The following TXNDC15 variants were observed in gnomAD, a reference collection of about 807,000 sequenced individuals.
TXNDC15 encodes the protein thioredoxin domain containing 15, also known as thioredoxin domain-containing protein 15.
TXNDC15 carries 24 observed loss-of-function variants against 35.0 expected under a neutral mutation model. The ratio of observed to expected loss-of-function variants is 0.68; its 90% CI spans 0.50 to 0.96. The LOEUF is 0.96. TXNDC15 is among the 40% of genes least tolerant of loss of function. The probability of loss-of-function intolerance (pLI) is 0.00; values close to 1 mark genes in which losing one functional copy is unlikely to be tolerated. For missense variants in TXNDC15, 385 were observed against 453.3 expected, an observed-to-expected ratio of 0.85 and a Z score of 1.37; for synonymous variants, 169 against 174.0, an observed-to-expected ratio of 0.97 and a Z score of 0.23.
Position 134,887,774 on chromosome 5 carries a change from G to A in TXNDC15, c.183G>A (p.Glu61=). The A allele has an allele frequency of 6.2e-7, 1 of 1,614,104 alleles. No homozygotes were observed. Among genetic ancestry groups the A allele is most frequent in the Non-Finnish European group, 8.5e-7 (1 of 1,179,934 alleles). Reference sequence around the variant, plus strand: ...AGGTGGGGGCTGTGTACCTGGGTGAGGAGGAGCTCCTGCATGACCCGATGG... The same window carrying A: ...AGGTGGGGGCTGTGTACCTGGGTGAAGAGGAGCTCCTGCATGACCCGATGG... ...PLQVGAVYLG[E]EELLHDPMGQ... Residue 61 remains glutamate, a synonymous_variant, in exon 2 of 5, where the codon GAG becomes GAA. Coordinates refer to ENST00000358387, the MANE Select transcript of TXNDC15 (RefSeq NM_024715.4).
chr5:134,882,980 T>C (rs1179583010), intron 1 of TXNDC15, among the ~76,000 whole-genome samples: 1 of 152,254 alleles, frequency 6.6e-6, no homozygotes, highest in Non-Finnish European at 1.5e-5. Flanking sequence ...GTAGTTATTA[T>C]AATTTACGTC....
At position 134,899,790 on chromosome 5, in the gene TXNDC15, C is replaced by A; in HGVS notation, c.*105C>A. 1 of 919,092 alleles carries A rather than the reference C, an allele frequency of 1.1e-6. No homozygotes were observed. Among genetic ancestry groups the A allele is most frequent in the South Asian group, 2.1e-5 (1 of 46,912 alleles). 56.9% of individuals were successfully genotyped at this position (919,092 alleles called of 1,614,324 possible). ...CCAGTGACGTGTTGACTTGAAACTT[C>A]AGGCAGATTAAAAGAATCATTTGTT... On this transcript the variant is annotated 3_prime_UTR_variant, in exon 5 of 5. Coordinates refer to ENST00000358387, the MANE Select transcript of TXNDC15 (RefSeq NM_024715.4).
Position 134,896,510 on chromosome 5 carries a change from TAAGTG to T in TXNDC15, c.886+90_886+94del, listed in dbSNP as rs1259425732. The T allele has an allele frequency of 3.9e-6, 6 of 1,532,886 alleles. No homozygotes were observed. The East Asian group carries it at 1.4e-4, about 35-fold the overall frequency. 95.0% of individuals were successfully genotyped at this position (1,532,886 alleles called of 1,614,324 possible). A position where few individuals can be genotyped will look rare whatever the true frequency, so the allele number is the denominator to read the frequency against. ...GTGGGTTCTGATCTGCTATAATCCT[TAAGTG>T]AAGGATTCAAGACTGACTTTGAGTT... is the stretch of plus-strand genomic sequence containing the variant. On this transcript the variant is annotated intron_variant, in intron 4 of 4. Coordinates refer to ENST00000358387, the MANE Select transcript of TXNDC15 (RefSeq NM_024715.4).
At chr5:134,886,562 A>C (rs1750278425) in intron 1 of TXNDC15, among the ~76,000 whole-genome samples, 2 of 152,258 alleles carry the variant, frequency 1.3e-5, no homozygotes, top group Admixed American at 1.3e-4. Context: ...CCCACCTTCT[A>C]GCTCCAAAGT....
At chr5:134,898,077 C>G (rs1392815485) in intron 4 of TXNDC15, among the ~76,000 whole-genome samples, 1 of 152,046 alleles carries the variant, frequency 6.6e-6, no homozygotes, top group African/African-American at 2.4e-5. Context: ...CTGCTCCTGC[C>G]TTCCCCAAAG....
intron 4 of TXNDC15, among the ~76,000 whole-genome samples, chr5:134,897,944 G>A (rs1312425701): frequency 1.3e-5 from 2 of 152,098 alleles, no homozygotes; most frequent in East Asian, 1.9e-4. Context: ...AGGAGGCAGA[G>A]GCTGCAGTGA....
chr5:134,886,181 G>A (rs1750272260), intron 1 of TXNDC15, among the ~76,000 whole-genome samples: 1 of 152,216 alleles, frequency 6.6e-6, no homozygotes, highest in African/African-American at 2.4e-5. Flanking sequence ...ATGTACATCT[G>A]TTATGCATCA....
At chr5:134,887,001 C>G (rs774103525) in intron 1 of TXNDC15, among the ~76,000 whole-genome samples, 3 of 152,100 alleles carry the variant, frequency 2.0e-5, no homozygotes, top group Non-Finnish European at 4.4e-5. Context: ...AAACCATGAT[C>G]CTTTTCTTGG....
At chr5:134,875,650 G>C (rs965323106) in intron 1 of TXNDC15, among the ~76,000 whole-genome samples, 2 of 151,580 alleles carry the variant, frequency 1.3e-5, no homozygotes, top group Non-Finnish European at 2.9e-5. Flanking sequence ...GTGAGCCACT[G>C]CTCCCGGTTT....
chr5:134,880,287 A>C (rs766392821), intron 1 of TXNDC15, among the ~76,000 whole-genome samples: 2 of 151,732 alleles, frequency 1.3e-5, no homozygotes, highest in African/African-American at 4.8e-5. Flanking sequence ...TGGTTTCTCT[A>C]TTTCTTTATG....
At position 134,896,313 on chromosome 5, in the gene TXNDC15, A is replaced by G. The variant is rs753134995; in HGVS notation, c.775A>G (p.Thr259Ala). ...TTGTAGCCTTTCTACCAGGTTTGGC[A>G]CCGTAGCTGTTCCTAATATTTTATT... ...QHSSLSTRFG[T>A]VAVPNILLFQ... Residue 259 changes from threonine (T) to alanine (A), a missense_variant, in exon 4 of 5, where the codon ACC becomes GCC. Coordinates refer to ENST00000358387, the MANE Select transcript of TXNDC15 (RefSeq NM_024715.4). The G allele has an allele frequency of 6.2e-7, 1 of 1,613,500 alleles. No individual in the cohort carries two copies. Among genetic ancestry groups the G allele is most frequent in the South Asian group, 1.1e-5 (1 of 90,846 alleles).
chr5:134,899,863 A>G lies in TXNDC15; in HGVS notation c.*178A>G, dbSNP rs566508478. ...ATTATAAACTGGTGTTTTAACTAGT[A>G]TTGCAATAAGCAAATGCAAAAATAT... On this transcript the variant is annotated 3_prime_UTR_variant, in exon 5 of 5. Coordinates refer to ENST00000358387, the MANE Select transcript of TXNDC15 (RefSeq NM_024715.4). 1.2e-4 allele frequency: 68 copies of G among 545,722 alleles called. 2 individuals are homozygous for G. The Admixed American group carries it at 1.6e-3, about 13-fold the overall frequency. 33.8% of individuals were successfully genotyped at this position (545,722 alleles called of 1,614,324 possible).
At chr5:134,881,847 C>A (rs34265887) in intron 1 of TXNDC15, among the ~76,000 whole-genome samples, 7 of 143,516 alleles carry the variant, frequency 4.9e-5, no homozygotes, top group African/African-American at 1.8e-4. Context: ...CCGGACGGGG[C>A]GGCTGGCCAG....
chr5:134,890,920 A>G (rs1308166877), intron 2 of TXNDC15, among the ~76,000 whole-genome samples: 2 of 152,244 alleles, frequency 1.3e-5, no homozygotes, highest in Non-Finnish European at 2.9e-5. Context: ...CCAGGCGTAG[A>G]TGCCATCTCA....
chr5:134,895,136 C>T (rs1735906807), intron 3 of TXNDC15, among the ~76,000 whole-genome samples: 1 of 152,032 alleles, frequency 6.6e-6, no homozygotes, highest in Admixed American at 6.5e-5. Flanking sequence ...AGCCGTGATC[C>T]TGTCACTGCA....
In TXNDC15 at chr5:134,893,483, T is replaced by C; in HGVS notation, c.592-9T>C. 6.2e-7 allele frequency: 1 copy of C among 1,613,838 alleles called. No individual in the cohort carries two copies. Among genetic ancestry groups the C allele is most frequent in the South Asian group, 1.1e-5 (1 of 91,060 alleles). ...CTGCTAACTTTAATGCTTGTTTCTT[T>C]TACCACAGGACCTTATGGATTTTCT... On this transcript the variant is annotated splice_polypyrimidine_tract_variant and intron_variant, in intron 2 of 4. Coordinates refer to ENST00000358387, the MANE Select transcript of TXNDC15 (RefSeq NM_024715.4).
intron 4 of TXNDC15, among the ~76,000 whole-genome samples, chr5:134,897,902 G>T (rs1338478853): frequency 6.6e-6 from 1 of 152,050 alleles, no homozygotes; most frequent in Admixed American, 6.6e-5. Flanking sequence ...GCAGCTACTC[G>T]GGAGGCTGAG....
Position 134,887,756 on chromosome 5 carries a change from G to C in TXNDC15, c.165G>C (p.Gly55=). 1 of 1,613,264 alleles carries C rather than the reference G, an allele frequency of 6.2e-7. No individual in the cohort carries two copies. The highest frequency in any genetic ancestry group is 2.2e-5 in the East Asian group (1 of 44,846). ...EEQPAHPLQV[G]AVYLGEEELL... Reference sequence around the variant, plus strand: ...AGCCTGCTCACCCTCTCCAGGTGGGGGCTGTGTACCTGGGTGAGGAGGAGC... The same window carrying C: ...AGCCTGCTCACCCTCTCCAGGTGGGCGCTGTGTACCTGGGTGAGGAGGAGC... Residue 55 remains glycine (G), a synonymous_variant, in exon 2 of 5, where the codon GGG becomes GGC. Coordinates refer to ENST00000358387, the MANE Select transcript of TXNDC15 (RefSeq NM_024715.4).
rs565357897 is a variant in TXNDC15, at chr5:134,887,246, G to A, written c.104-449G>A. Among the ~76,000 whole-genome samples, 10 of 152,212 alleles carry A rather than the reference G, an allele frequency of 6.6e-5. No individual in the cohort carries two copies. In the East Asian group the frequency reaches 9.7e-4, roughly 15 times the overall value. On this transcript the variant is annotated intron_variant, in intron 1 of 4. Coordinates refer to ENST00000358387, the MANE Select transcript of TXNDC15 (RefSeq NM_024715.4). The stretch of plus-strand genomic sequence containing the variant: ...GTCGCCCAGACTGGAGTGCAGTGGC[G>A]CAGTCTTGGCTCACTGCAACCTCCG...
Sources: allele counts gnomAD v4.1 joint callset (sites outside exome capture counted in the v4.1 genomes callset), GRCh38; gene constraint gnomAD v4.1.1; transcripts MANE v1.5; gene names NCBI Gene and HGNC (gene_info 2026-07-23, HGNC 2026-07-21).